LOC400499: variants seen among roughly 807,000 people sequenced by gnomAD.
the LOC400499 span, among the ~76,000 whole-genome samples, chr16:11,507,124 T>C: frequency 6.6e-6 from 1 of 152,064 alleles, no homozygotes; most frequent in Middle Eastern, 3.2e-3. Flanking sequence ...AAATGTCCAG[T>C]TAGGTGGTCA....
At chr16:11,415,643 G>A in the LOC400499 span, among the ~76,000 whole-genome samples, 1 of 152,310 alleles carries the variant, frequency 6.6e-6, no homozygotes, top group East Asian at 1.9e-4. Context: ...GGGAGCACCC[G>A]GCTGTCAGAG....
the LOC400499 span, among the ~76,000 whole-genome samples, chr16:11,388,397 T>G: frequency 6.6e-6 from 1 of 152,170 alleles, no homozygotes; most frequent in Non-Finnish European, 1.5e-5. Context: ...AGTCCCTATT[T>G]TATGGCTGGG....
the LOC400499 span, chr16:11,393,585 AGT>A: frequency 1.1e-4 from 133 of 1,232,078 alleles, no homozygotes; most frequent in African/African-American, 1.2e-3. Context: ...CAGAGGCCTG[AGT>A]GGAGCCTGGC....
the LOC400499 span, among the ~76,000 whole-genome samples, chr16:11,489,729 G>C: frequency 5.7e-3 from 863 of 152,322 alleles, 5 homozygotes; most frequent in Non-Finnish European, 9.8e-3. Context: ...GAGGGGTTTA[G>C]CACACATCAC....
the LOC400499 span, chr16:11,396,472 T>C: frequency 8.1e-7 from 1 of 1,231,958 alleles, no homozygotes; most frequent in Admixed American, 4.2e-5. Context: ...TGCCGGGATA[T>C]CTTTCCCAGG....
At chr16:11,488,737 C>T in the LOC400499 span, 4 of 398,820 alleles carry the variant, frequency 1.0e-5, no homozygotes, top group Non-Finnish European at 1.8e-5. Flanking sequence ...CAGAATAGGA[C>T]GAGTGTTTCC....
chr16:11,477,292 T>C, the LOC400499 span, among the ~76,000 whole-genome samples: 1 of 152,188 alleles, frequency 6.6e-6, no homozygotes, highest in South Asian at 2.1e-4. Flanking sequence ...ATTCCCCATG[T>C]CAAACTCAGG....
At chr16:11,423,964 T>G in the LOC400499 span, 1 of 397,784 alleles carries the variant, frequency 2.5e-6, no homozygotes, top group Non-Finnish European at 4.4e-6. Flanking sequence ...TCTCCAGGGC[T>G]GCGCGGAGCT....
the LOC400499 span, among the ~76,000 whole-genome samples, chr16:11,411,900 T>A: frequency 6.6e-6 from 1 of 151,524 alleles, no homozygotes; most frequent in Non-Finnish European, 1.5e-5. Context: ...TCTTTCTCTG[T>A]CACCCAGGCT....
the LOC400499 span, chr16:11,448,871 T>C: frequency 7.4e-6 from 10 of 1,355,160 alleles, no homozygotes; most frequent in Non-Finnish European, 6.8e-6. Context: ...GAAACCGAGG[T>C]GAGGGATTCG....
chr16:11,375,958 C>T, the LOC400499 span, among the ~76,000 whole-genome samples: 13 of 152,166 alleles, frequency 8.5e-5, no homozygotes, highest in African/African-American at 2.6e-4. Context: ...AGGCTGGTCT[C>T]GAACGCCTGA....
the LOC400499 span, among the ~76,000 whole-genome samples, chr16:11,405,997 C>A: frequency 6.6e-6 from 1 of 152,190 alleles, no homozygotes; most frequent in African/African-American, 2.4e-5. Flanking sequence ...TGTCTTGTTC[C>A]CTCTGCCTGG....
chr16:11,392,076 C>T, the LOC400499 span: 3 of 399,394 alleles, frequency 7.5e-6, no homozygotes, highest in Admixed American at 1.3e-4. Flanking sequence ...GGGCTTGCAC[C>T]TGGGAGCCAA....
the LOC400499 span, chr16:11,412,855 C>T: frequency 2.5e-6 from 1 of 399,080 alleles, no homozygotes. Flanking sequence ...CTGCCTGGTT[C>T]TGGCCACGGA....
At chr16:11,463,822 T>C in the LOC400499 span, among the ~76,000 whole-genome samples, 3 of 152,304 alleles carry the variant, frequency 2.0e-5, no homozygotes, top group East Asian at 1.9e-4. Flanking sequence ...TATGTGTGTA[T>C]GGACGTGTGT....
chr16:11,401,589 C>G, the LOC400499 span, among the ~76,000 whole-genome samples: 1 of 152,240 alleles, frequency 6.6e-6, no homozygotes, highest in African/African-American at 2.4e-5. Context: ...AGGAGGAAAT[C>G]CAGGCTTAGA....
the LOC400499 span, among the ~76,000 whole-genome samples, chr16:11,508,096 T>C: frequency 6.6e-6 from 1 of 152,226 alleles, no homozygotes; most frequent in African/African-American, 2.4e-5. Context: ...TGGATGAGTC[T>C]TCAATCCAAT....
chr16:11,392,145 G>GT, the LOC400499 span: 1 of 399,222 alleles, frequency 2.5e-6, no homozygotes, highest in East Asian at 3.6e-5. Context: ...CAGGAATGAA[G>GT]TAGACACAAG....
chr16:11,384,361 A>C, the LOC400499 span: 1 of 1,159,006 alleles, frequency 8.6e-7, no homozygotes, highest in African/African-American at 1.6e-5. Flanking sequence ...CGGCCGTAAG[A>C]CCCTGTGATC....
Sources: allele counts gnomAD v4.1 joint callset (sites outside exome capture counted in the v4.1 genomes callset), GRCh38; gene constraint gnomAD v4.1.1; transcripts MANE v1.5.